Variants in SLC24A3 observed in about 807,000 individuals in gnomAD.
SLC24A3 encodes solute carrier family 24 member 3, also known as sodium/potassium/calcium exchanger 3.
In SLC24A3, 28 loss-of-function variants were observed where a neutral mutation model predicts 75.8. The ratio of observed to expected loss-of-function variants is 0.37; its 90% CI spans 0.27 to 0.51. The LOEUF is 0.51. Ranked by LOEUF, SLC24A3 falls within the 20% of genes least tolerant of loss-of-function variation. The pLI is 0.94. For synonymous variants in SLC24A3, 372 were observed against 334.1 expected, an observed-to-expected ratio of 1.11 and a Z score of -1.24; for missense variants, 663 against 847.8, an observed-to-expected ratio of 0.78 and a Z score of 2.71.
At chr20:19,636,225 TGCTCTACTG>T (rs1161929609) in intron 6 of SLC24A3, among the ~76,000 whole-genome samples, 2 of 152,208 alleles carry the variant, frequency 1.3e-5, no homozygotes, top group Non-Finnish European at 2.9e-5. Flanking sequence ...ATTTCTGTCA[TGCTCTACTG>T]GTCAAAAAGT....
chr20:19,607,596 G>A (rs1354596447), intron 6 of SLC24A3, among the ~76,000 whole-genome samples: 2 of 152,154 alleles, frequency 1.3e-5, no homozygotes, highest in Non-Finnish European at 2.9e-5. Flanking sequence ...CAGCCTTTAA[G>A]CCTCAGCTTC....
chr20:19,416,123 T>C (rs1434820188), intron 2 of SLC24A3, among the ~76,000 whole-genome samples: 1 of 152,258 alleles, frequency 6.6e-6, no homozygotes, highest in East Asian at 1.9e-4. Context: ...TGCCAAGCAC[T>C]GGGCTGAGTG....
At chr20:19,636,009 G>A (rs997818144) in intron 6 of SLC24A3, among the ~76,000 whole-genome samples, 20 of 152,102 alleles carry the variant, frequency 1.3e-4, no homozygotes, top group Non-Finnish European at 2.1e-4. Context: ...GCGTGGTGGC[G>A]GGCGCCTGTG....
chr20:19,645,686 T>G (rs7353696), intron 6 of SLC24A3, among the ~76,000 whole-genome samples: 1 of 151,972 alleles, frequency 6.6e-6, no homozygotes, highest in Non-Finnish European at 1.5e-5. Flanking sequence ...AAAAATGCAA[T>G]GTACACTTTA....
intron 3 of SLC24A3, among the ~76,000 whole-genome samples, chr20:19,530,307 A>T (rs2030273407): frequency 6.6e-6 from 1 of 152,202 alleles, no homozygotes; most frequent in Non-Finnish European, 1.5e-5. Context: ...CAGCAACAGA[A>T]TCACCGTGCT....
At chr20:19,680,027 G>A (rs1176211775) in intron 9 of SLC24A3, among the ~76,000 whole-genome samples, 1 of 151,198 alleles carries the variant, frequency 6.6e-6, no homozygotes, top group Non-Finnish European at 1.5e-5. Flanking sequence ...GTGTGTATGT[G>A]TGTGCATGAC....
chr20:19,707,573 T>C (rs2032944092), intron 15 of SLC24A3, among the ~76,000 whole-genome samples: 1 of 152,204 alleles, frequency 6.6e-6, no homozygotes, highest in Non-Finnish European at 1.5e-5. Context: ...TCTAAATGCA[T>C]AGGAGGCAAG....
intron 15 of SLC24A3, among the ~76,000 whole-genome samples, chr20:19,702,622 C>A (rs1368845331): frequency 1.0e-4 from 15 of 149,076 alleles, no homozygotes; most frequent in African/African-American, 7.4e-5. Flanking sequence ...GTAATAAGTG[C>A]AAAAAAAAAA....
intron 2 of SLC24A3, among the ~76,000 whole-genome samples, chr20:19,347,607 T>C (rs1303305085): frequency 6.6e-6 from 1 of 152,202 alleles, no homozygotes; most frequent in African/African-American, 2.4e-5. Context: ...AAATTAGTAT[T>C]TGTGATTATT....
At chr20:19,338,966 GGGT>G (rs1305562753) in intron 2 of SLC24A3, among the ~76,000 whole-genome samples, 2 of 152,108 alleles carry the variant, frequency 1.3e-5, no homozygotes, top group Non-Finnish European at 2.9e-5. Flanking sequence ...GCACATCCAT[GGGT>G]TGTCACAGAG....
chr20:19,569,852 T>G (rs1304727939), intron 3 of SLC24A3, among the ~76,000 whole-genome samples: 2 of 152,224 alleles, frequency 1.3e-5, no homozygotes, highest in Non-Finnish European at 2.9e-5. Flanking sequence ...CCACCATCTT[T>G]GCTGGTTCCC....
rs139127157 is a variant in SLC24A3, at chr20:19,504,556, C to G, written c.272-10932C>G. 5.5e-3 allele frequency among the ~76,000 whole-genome samples: 830 copies of G among 152,272 alleles called. 8 individuals are homozygous for G. The highest frequency in any genetic ancestry group is 0.04 in the South Asian group (193 of 4,826). On this transcript the variant is annotated intron_variant, in intron 2 of 16. Transcript: ENST00000328041. Reference sequence around the variant, plus strand: ...GGGCATTGAACAGGAATGGGCATTCCTTGTAATCACCATGGGTTCCCTTGA... The same window carrying G: ...GGGCATTGAACAGGAATGGGCATTCGTTGTAATCACCATGGGTTCCCTTGA...
intron 9 of SLC24A3, among the ~76,000 whole-genome samples, chr20:19,677,132 G>A (rs1238722635): frequency 6.6e-6 from 1 of 152,066 alleles, no homozygotes; most frequent in Non-Finnish European, 1.5e-5. Flanking sequence ...CCTGATAAAT[G>A]TATAATACAT....
At chr20:19,390,593 G>A (rs1242025824) in intron 2 of SLC24A3, among the ~76,000 whole-genome samples, 1 of 152,192 alleles carries the variant, frequency 6.6e-6, no homozygotes, top group African/African-American at 2.4e-5. Flanking sequence ...GATCTACAGG[G>A]CAGAATTAAA....
chr20:19,253,088 G>A (rs1982710860), intron 1 of SLC24A3, among the ~76,000 whole-genome samples: 1 of 152,218 alleles, frequency 6.6e-6, no homozygotes, highest in African/African-American at 2.4e-5. Flanking sequence ...CCAGGCAACA[G>A]ACGGGATGGT....
At chr20:19,514,289 G>T (rs2029940264) in intron 2 of SLC24A3, among the ~76,000 whole-genome samples, 1 of 152,204 alleles carries the variant, frequency 6.6e-6, no homozygotes, top group Non-Finnish European at 1.5e-5. Flanking sequence ...CCTCCCTCAT[G>T]CACAGTGCAT....
intron 1 of SLC24A3, among the ~76,000 whole-genome samples, chr20:19,239,124 A>T (rs1982257095): frequency 6.6e-6 from 1 of 151,464 alleles, no homozygotes; most frequent in South Asian, 2.1e-4. Flanking sequence ...TTATTTTAAA[A>T]AAAAAAAAAA....
chr20:19,626,932 C>A (rs1370914844), intron 6 of SLC24A3, among the ~76,000 whole-genome samples: 1 of 152,206 alleles, frequency 6.6e-6, no homozygotes, highest in Admixed American at 6.5e-5. Flanking sequence ...AGTGGAAAGT[C>A]TTAAGGGCGA....
At chr20:19,579,931 T>C (rs2031195294) in intron 3 of SLC24A3, 69 bp from the exon 4 acceptor site, 1 of 1,158,806 alleles carries the variant, frequency 8.6e-7, no homozygotes. Context: ...AAGCAGAAGG[T>C]GGCTGGACGT....
Sources: gnomAD v4.1 joint callset for allele counts (sites outside exome capture counted in the v4.1 genomes callset) on GRCh38, gnomAD v4.1.1 for gene constraint, MANE v1.5 for transcripts, NCBI Gene and HGNC (gene_info 2026-07-23, HGNC 2026-07-21) for gene names.